MICAL2: variants seen among roughly 807,000 people sequenced by gnomAD.
MICAL2 encodes the protein microtubule associated monooxygenase, calponin and LIM domain containing 2, also known as [F-actin]-monooxygenase MICAL2.
MICAL2 carries 77 observed loss-of-function variants against 127.3 expected under a neutral mutation model. The ratio of observed to expected loss-of-function variants is 0.60; its 90% CI spans 0.50 to 0.73. The LOEUF (loss-of-function observed/expected upper bound fraction) is 0.73, where lower values mean the gene tolerates loss of function less well. MICAL2 is among the 30% of genes least tolerant of loss of function. The pLI, the probability that MICAL2 is intolerant of heterozygous loss-of-function variation, is 0.00. For synonymous variants in MICAL2, 570 were observed against 551.1 expected, an observed-to-expected ratio of 1.03 and a Z score of -0.48; for missense variants, 1,351 against 1,434.4, an observed-to-expected ratio of 0.94 and a Z score of 0.94.
chr11:12,323,895 A>T (rs1202727039), intron 30 of MICAL2: 2 of 1,419,718 alleles, frequency 1.4e-6, no homozygotes, highest in East Asian at 4.8e-5. Flanking sequence ...TTAGTTGGAG[A>T]GGGTAGAAGC....
chr11:12,360,903 A>T (rs1939196039), downstream of MICAL2, among the ~76,000 whole-genome samples: 1 of 152,090 alleles, frequency 6.6e-6, no homozygotes, highest in Non-Finnish European at 1.5e-5. Context: ...TTTCCAATGG[A>T]CACAAATATT....
intron 7 of MICAL2, among the ~76,000 whole-genome samples, chr11:12,214,104 A>G (rs1398710135): frequency 6.6e-6 from 1 of 152,224 alleles, no homozygotes; most frequent in Non-Finnish European, 1.5e-5. Flanking sequence ...TAGACAGTCA[A>G]TACACAAATA....
chr11:12,177,152 TC>T (rs1856931789), intron 3 of MICAL2, among the ~76,000 whole-genome samples: 1 of 152,198 alleles, frequency 6.6e-6, no homozygotes, highest in Non-Finnish European at 1.5e-5. Flanking sequence ...TTTCTCCACA[TC>T]CTCATCATAC....
chr11:12,126,004 C>T (rs1174925933), intron 1 of MICAL2, among the ~76,000 whole-genome samples: 1 of 152,130 alleles, frequency 6.6e-6, no homozygotes, highest in African/African-American at 2.4e-5. Flanking sequence ...GGCCTCAGCT[C>T]CTCAGGTGTA....
At chr11:12,255,385 C>A in intron 22 of MICAL2, 1 of 468,530 alleles carries the variant, frequency 2.1e-6, no homozygotes, top group Non-Finnish European at 3.9e-6. Flanking sequence ...ACGATTTTGA[C>A]TACTCTAGGT....
chr11:12,193,382 A>G lies in MICAL2; in HGVS notation c.265-10868A>G, dbSNP rs1341545497. On this transcript the variant is annotated intron_variant, in intron 3 of 27. Transcript: ENST00000683283. ...CCTTGTTGACCTTAGAGCAATAGGA[A>G]TTGGTGAAATTGAAGGAATGCCTGA... Among the ~76,000 whole-genome samples the G allele has an allele frequency of 2.6e-5, 4 of 152,298 alleles. No individual in the cohort carries two copies. In the South Asian group the frequency reaches 8.3e-4, roughly 32 times the overall value.
At chr11:12,141,220 C>T (rs193079670) in intron 2 of MICAL2, among the ~76,000 whole-genome samples, 119 of 152,264 alleles carry the variant, frequency 7.8e-4, no homozygotes, top group Non-Finnish European at 1.4e-3. Flanking sequence ...ACCAAGAGAG[C>T]CATGTTCTAG....
At chr11:12,358,173 C>G (rs1232022543) in intron 34 of MICAL2, 8 of 970,512 alleles carry the variant, frequency 8.2e-6, no homozygotes, top group African/African-American at 8.2e-5. Flanking sequence ...AAATTCATTT[C>G]CTTGTTTTCT....
intron 1 of MICAL2, among the ~76,000 whole-genome samples, chr11:12,129,510 G>A (rs917571238): frequency 6.6e-6 from 1 of 151,990 alleles, no homozygotes; most frequent in Non-Finnish European, 1.5e-5. Context: ...TGGAGTTTCA[G>A]ATTGACTCTT....
At chr11:12,270,336 A>G (rs577486297) in intron 24 of MICAL2, among the ~76,000 whole-genome samples, 1 of 152,064 alleles carries the variant, frequency 6.6e-6, no homozygotes, top group Non-Finnish European at 1.5e-5. Flanking sequence ...TGCAAACTAC[A>G]TTTTCCAGCT....
chr11:12,296,641 T>C (rs1046441682), downstream of MICAL2, among the ~76,000 whole-genome samples: 1 of 151,282 alleles, frequency 6.6e-6, no homozygotes, highest in African/African-American at 2.4e-5. Context: ...AGGTGCAAAA[T>C]AAAAAGTCCT....
chr11:12,155,633 T>C (rs1854102504), intron 2 of MICAL2, among the ~76,000 whole-genome samples: 1 of 152,348 alleles, frequency 6.6e-6, no homozygotes, highest in East Asian at 1.9e-4. Flanking sequence ...AAAAGGAAGA[T>C]AGGCAACTTC....
At chr11:12,326,162 C>T (rs1212281493) in intron 31 of MICAL2, among the ~76,000 whole-genome samples, 3 of 151,936 alleles carry the variant, frequency 2.0e-5, no homozygotes, top group Admixed American at 6.6e-5. Context: ...TTTAGAAAGA[C>T]GTGGGGTTAA....
intron 10 of MICAL2, among the ~76,000 whole-genome samples, chr11:12,222,273 G>A (rs188920488): frequency 6.6e-6 from 1 of 152,232 alleles, no homozygotes; most frequent in African/African-American, 2.4e-5. Flanking sequence ...TCTTGGGTGT[G>A]GAAGCCTGTG....
At chr11:12,255,402 TA>T in intron 22 of MICAL2, 1 of 513,500 alleles carries the variant, frequency 1.9e-6, no homozygotes, top group Non-Finnish European at 3.5e-6. Context: ...AGGTACCACA[TA>T]TAAGTGGAAT....
chr11:12,245,612 G>C (rs1478738492), intron 21 of MICAL2, among the ~76,000 whole-genome samples: 3 of 152,204 alleles, frequency 2.0e-5, no homozygotes, highest in Non-Finnish European at 4.4e-5. Context: ...AAATAGCCAT[G>C]GTCAGCATAT....
intron 32 of MICAL2, among the ~76,000 whole-genome samples, chr11:12,338,320 C>T (rs1938801780): frequency 6.6e-6 from 1 of 152,192 alleles, no homozygotes; most frequent in African/African-American, 2.4e-5. Flanking sequence ...GATCTTCCTC[C>T]ATCCCTTTAT....
At chr11:12,231,259 A>G (rs77022235) in intron 15 of MICAL2, among the ~76,000 whole-genome samples, 2 of 152,210 alleles carry the variant, frequency 1.3e-5, no homozygotes, top group Non-Finnish European at 1.5e-5. Flanking sequence ...TCCTTGGGGG[A>G]TAAAACAGAA....
chr11:12,308,966 C>T (rs904575752), intron 29 of MICAL2, among the ~76,000 whole-genome samples: 6 of 152,206 alleles, frequency 3.9e-5, no homozygotes, highest in Non-Finnish European at 7.4e-5. Context: ...GCTTTTTCTG[C>T]ATCTGTTGGA....
Sources: gnomAD v4.1 joint callset for allele counts (sites outside exome capture counted in the v4.1 genomes callset) on GRCh38, gnomAD v4.1.1 for gene constraint, MANE v1.5 for transcripts, NCBI Gene and HGNC (gene_info 2026-07-23, HGNC 2026-07-21) for gene names.